Variants in CACNB3 observed in about 807,000 individuals in gnomAD.
CACNB3 encodes the protein voltage-dependent L-type calcium channel subunit beta-3.
A neutral mutation model predicts 63.7 loss-of-function variants in CACNB3; 36 were observed. The ratio of observed to expected loss-of-function variants is 0.57; its 90% confidence interval spans 0.43 to 0.75. The LOEUF (loss-of-function observed/expected upper bound fraction) is 0.75, where lower values mean the gene tolerates loss of function less well. Ranked by LOEUF, CACNB3 falls within the 30% of genes least tolerant of loss-of-function variation. The pLI, the probability that CACNB3 is intolerant of heterozygous loss-of-function variation, is 0.00. For synonymous variants in CACNB3, 241 were observed against 250.6 expected, an observed-to-expected ratio of 0.96 and a Z score of 0.36; for missense variants, 493 against 648.6, an observed-to-expected ratio of 0.76 and a Z score of 2.61.
In CACNB3 at chr12:48,826,764, C is replaced by A; in HGVS notation, c.900C>A (p.Leu300=). The change falls in exon 11 of 13, where the codon CTC becomes CTA. Residue 300 remains leucine (L), a synonymous_variant. Transcript: ENST00000301050. This position sits in a 1 kb window ranked among gnomAD's most constrained non-coding sequence, Gnocchi z 4.8. ...VFVKVSSPKV[L]QRLIRSRGKS... ...GCTCTGCCCTCCCCGCTCAGGTACT[C>A]CAGCGTCTCATTCGCTCCCGGGGGA... 4 of 1,613,682 alleles carry A rather than the reference C, an allele frequency of 2.5e-6. No homozygotes were observed. The highest frequency in any genetic ancestry group is 3.4e-6 in the Non-Finnish European group (4 of 1,179,582).
upstream of CACNB3, chr12:48,818,377 C>T (rs2137437618): frequency 3.4e-6 from 3 of 889,692 alleles, no homozygotes; most frequent in South Asian, 5.1e-5. The surrounding 1 kb of genome is among the most constrained non-coding windows in gnomAD (Gnocchi z 4.3). Context: ...CTCCCTCCCC[C>T]GCCGCAGCCC....
At chr12:48,815,548 G>A (rs1371490358), upstream of CACNB3, 8 of 1,500,508 alleles carry the variant, frequency 5.3e-6, no homozygotes, top group Non-Finnish European at 6.2e-6. Context: ...GAGAGGGAAG[G>A]GAGCAGGCGG....
At chr12:48,819,377 G>T (rs955964047) in intron 1 of CACNB3, among the ~76,000 whole-genome samples, 1 of 152,162 alleles carries the variant, frequency 6.6e-6, no homozygotes, top group African/African-American at 2.4e-5. Context: ...TGGTTGGGGA[G>T]GCAGACATTC....
chr12:48,828,755 C>G lies in CACNB3; in HGVS notation c.*856C>G. The G allele has an allele frequency of 2.2e-6, 1 of 456,468 alleles. No individual in the cohort carries two copies. The highest frequency in any genetic ancestry group is 1.5e-5 in the South Asian group (1 of 64,562). 28.3% of individuals were successfully genotyped at this position (456,468 alleles called of 1,614,324 possible). Reference sequence around the variant, plus strand: ...TCATACATCTTTGGAGAACCGGGCTCCAGACTTTGTTCCCTGACTCATAGC... The same window carrying G: ...TCATACATCTTTGGAGAACCGGGCTGCAGACTTTGTTCCCTGACTCATAGC... On this transcript the variant is annotated 3_prime_UTR_variant, in exon 13 of 13. Coordinates refer to ENST00000301050, the MANE Select transcript of CACNB3 (RefSeq NM_000725.4).
chr12:48,819,032 T>G, intron 1 of CACNB3, 58 bp downstream of exon 1: 6 of 1,546,546 alleles, frequency 3.9e-6, no homozygotes, highest in Non-Finnish European at 5.3e-6. Context: ...TCCTCTCCCT[T>G]CAACCCTTTC....
At chr12:48,818,397 CG>C (rs1054910869), upstream of CACNB3, 4 of 963,928 alleles carry the variant, frequency 4.1e-6, no homozygotes, top group African/African-American at 7.0e-5. This position sits in a 1 kb window ranked among gnomAD's most constrained non-coding sequence, Gnocchi z 4.3. Context: ...CTTTGTTTCC[CG>C]GCGGAGTAGT....
At chr12:48,822,122 TACAC>T (rs202022848) in intron 1 of CACNB3, among the ~76,000 whole-genome samples, 2 of 151,964 alleles carry the variant, frequency 1.3e-5, no homozygotes, top group Non-Finnish European at 2.9e-5. Flanking sequence ...CCTTCCCCTA[TACAC>T]ACACACACTC....
Position 48,825,076 on chromosome 12 carries a change from A to C in CACNB3, c.493-87A>C, listed in dbSNP as rs1283750943. The C allele has an allele frequency of 2.5e-6, 4 of 1,583,678 alleles. No homozygotes were observed. In the African/African-American group the frequency reaches 5.4e-5, roughly 21 times the overall value. On this transcript the variant is annotated intron_variant, in intron 6 of 12. Coordinates refer to ENST00000301050, the MANE Select transcript of CACNB3 (RefSeq NM_000725.4). This position sits in a 1 kb window ranked among gnomAD's most constrained non-coding sequence, Gnocchi z 4.5. ...GCAGAACAGAGAGGGGAGGGAGCCC[A>C]GAACCTCTGGATCTGCCCTGACGCC... is the stretch of plus-strand genomic sequence containing the variant.
chr12:48,823,957 C>T lies in CACNB3; in HGVS notation c.291+154C>T. 3 of 975,414 alleles carry T rather than the reference C, an allele frequency of 3.1e-6. No homozygotes were observed. Among genetic ancestry groups the T allele is most frequent in the Non-Finnish European group, 4.5e-6 (3 of 665,246 alleles). 60.4% of individuals were successfully genotyped at this position (975,414 alleles called of 1,614,324 possible). A position where few individuals can be genotyped will look rare whatever the true frequency, so the allele number is the denominator to read the frequency against. On this transcript the variant is annotated intron_variant, in intron 3 of 12. Coordinates refer to ENST00000301050, the MANE Select transcript of CACNB3 (RefSeq NM_000725.4). The surrounding 1 kb of genome is among the most constrained non-coding windows in gnomAD (Gnocchi z 4.2). Reference sequence around the variant, plus strand: ...CCTGTCCACCCCTCATATCTAAGATCTCATCCCCAGGGTCTCCATCCTTCT... The same window carrying T: ...CCTGTCCACCCCTCATATCTAAGATTTCATCCCCAGGGTCTCCATCCTTCT...
rs1342624476 is a variant in CACNB3, at chr12:48,828,788, TGTTAG to T, written c.*896_*900del. The T allele has an allele frequency of 4.4e-6, 2 of 456,400 alleles. No homozygotes were observed. The highest frequency in any genetic ancestry group is 8.8e-6 in the Non-Finnish European group (2 of 226,766). 28.3% of individuals were successfully genotyped at this position (456,400 alleles called of 1,614,324 possible). ...TGTTCCCTGACTCATAGCTGCCGCTTGTTAGGTTAGGGTTAGATGGGGAGAGACAG... is the reference window on the plus strand; with the variant it reads ...TGTTCCCTGACTCATAGCTGCCGCTTGTTAGGGTTAGATGGGGAGAGACAG... On this transcript the variant is annotated 3_prime_UTR_variant, in exon 13 of 13. Coordinates refer to ENST00000301050, the MANE Select transcript of CACNB3 (RefSeq NM_000725.4).
chr12:48,815,892 G>C (rs1286156938), upstream of CACNB3, among the ~76,000 whole-genome samples: 2 of 152,184 alleles, frequency 1.3e-5, no homozygotes, highest in African/African-American at 2.4e-5. Context: ...GAGGCACCGG[G>C]TTAGAGAGGA....
At position 48,826,699 on chromosome 12, in the gene CACNB3, G is replaced by A. The variant is rs1052900953; in HGVS notation, c.895-60G>A. ...TGGAAGAAATGCCTAGCTCTGCCCGGGCTCAGCTCTGCCCAGAGTCCTGAG... is the reference window on the plus strand; with the variant it reads ...TGGAAGAAATGCCTAGCTCTGCCCGAGCTCAGCTCTGCCCAGAGTCCTGAG... On this transcript the variant is annotated intron_variant, in intron 10 of 12. Transcript: ENST00000301050. The surrounding 1 kb of genome is among the most constrained non-coding windows in gnomAD (Gnocchi z 4.8). The A allele has an allele frequency of 8.7e-6, 13 of 1,490,354 alleles. No homozygotes were observed. In the African/African-American group the frequency reaches 1.7e-4, roughly 19 times the overall value. The allele number at this position is 1,490,354 out of a possible 1,614,324, so 92.3% of individuals were successfully genotyped here.
rs372901951 is a variant in CACNB3, at chr12:48,823,423, G to A, written c.125G>A (p.Arg42His). 139 of 1,614,022 alleles carry A rather than the reference G, an allele frequency of 8.6e-5. No individual in the cohort carries two copies. Among genetic ancestry groups the A allele is most frequent in the Middle Eastern group, 3.3e-4 (2 of 6,082 alleles). ...GAGGAGGACCGGGAGAGTGCCCGGC[G>A]TGAAGTAGAGAGCCAGGCTCAGCAG... ...SLEEDRESAR[R>H]EVESQAQQQL... is the part of the protein sequence containing the mutation. The change falls in exon 2 of 13, where the codon CGT becomes CAT. Residue 42 changes from arginine (R) to histidine (H), a missense_variant. Arg to His is a conservative substitution (Grantham distance 29). Coordinates refer to ENST00000301050, the MANE Select transcript of CACNB3 (RefSeq NM_000725.4). This position sits in a 1 kb window ranked among gnomAD's most constrained non-coding sequence, Gnocchi z 4.2.
chr12:48,822,642 G>T (rs184282130), intron 1 of CACNB3, among the ~76,000 whole-genome samples: 5 of 152,156 alleles, frequency 3.3e-5, no homozygotes, highest in African/African-American at 1.2e-4. Context: ...CTTGTTTGCT[G>T]CCCACACCTG....
At position 48,818,548 on chromosome 12, in the gene CACNB3, A is replaced by G; in HGVS notation, c.-382A>G. 1.5e-5 allele frequency: 16 copies of G among 1,034,810 alleles called. No individual in the cohort carries two copies. Among genetic ancestry groups the G allele is most frequent in the Non-Finnish European group, 1.9e-5 (16 of 864,416 alleles). The allele number at this position is 1,034,810 out of a possible 1,614,324, so 64.1% of individuals were successfully genotyped here. ...GTAGGTGCTCGGGGACCCACCTTCC[A>G]CCTAGCACGGGTTCGTTCCCCTCTC... On this transcript the variant is annotated 5_prime_UTR_variant, in exon 1 of 13. Coordinates refer to ENST00000301050, the MANE Select transcript of CACNB3 (RefSeq NM_000725.4). This position sits in a 1 kb window ranked among gnomAD's most constrained non-coding sequence, Gnocchi z 4.3.
intron 12 of CACNB3, 60 bp from the exon 13 acceptor site, chr12:48,827,525 T>A (rs1335773293): frequency 4.7e-6 from 7 of 1,480,444 alleles, no homozygotes; most frequent in Non-Finnish European, 6.5e-6. Context: ...ATCTCGCACC[T>A]CACCAGAAGA....
chr12:48,821,831 G>A (rs775242679), intron 1 of CACNB3, among the ~76,000 whole-genome samples: 16 of 152,116 alleles, frequency 1.1e-4, no homozygotes, highest in Non-Finnish European at 2.4e-4. Context: ...AACAGTCGGC[G>A]GACTACTCTT....
chr12:48,815,700 A>G (rs1248228783), upstream of CACNB3: 6 of 1,391,740 alleles, frequency 4.3e-6, no homozygotes, highest in African/African-American at 9.6e-5. Context: ...TCTTTTTCTG[A>G]CTCCAGTGCA....
At chr12:48,815,851 GA>G, upstream of CACNB3, 1 of 741,206 alleles carries the variant, frequency 1.3e-6, no homozygotes, top group Non-Finnish European at 2.3e-6. Context: ...GGGAGGCAGG[GA>G]AACCGGAGGA....
Sources: allele counts gnomAD v4.1 joint callset (sites outside exome capture counted in the v4.1 genomes callset), GRCh38; gene constraint gnomAD v4.1.1; non-coding constraint Gnocchi (gnomAD v3.1); transcripts MANE v1.5; gene names NCBI Gene and HGNC (gene_info 2026-07-23, HGNC 2026-07-21).